FSTL5: variants seen among roughly 807,000 people sequenced by gnomAD.
FSTL5 encodes the protein follistatin-related protein 5.
FSTL5 carries 62 observed loss-of-function variants against 89.1 expected under a neutral mutation model. The ratio of observed to expected loss-of-function variants is 0.70; its 90% CI spans 0.57 to 0.86. The LOEUF (loss-of-function observed/expected upper bound fraction) is 0.86. Among genes scored for constraint, FSTL5 ranks in the 40% least tolerant of loss-of-function variants. FSTL5 has a pLI of 0.00. For synonymous variants in FSTL5, 383 were observed against 346.2 expected (o/e 1.11, Z -1.18); for missense variants, 1,057 against 1,001.6 (o/e 1.06, Z -0.75).
intron 7 of FSTL5, among the ~76,000 whole-genome samples, chr4:161,592,739 A>G (rs1487633020): frequency 6.6e-6 from 1 of 152,150 alleles, no homozygotes; most frequent in Non-Finnish European, 1.5e-5. Context: ...AACATACGTG[A>G]GCAAGTGTCT....
rs569217887 is a variant in FSTL5 at position 161,483,362 on chromosome 4, A to G, written c.1459-2193T>C. Among the ~76,000 whole-genome samples, 3 of 152,364 alleles carry G rather than the reference A, an allele frequency of 2.0e-5. No individual in the cohort carries two copies. The East Asian group carries it at 5.8e-4, about 29-fold the overall frequency. ...TCTTCGCCATTGCGTAAAACCTGCCAAAGTAATGAAAAGTGTGAGTGACCT... is the reference window on the plus strand; with the variant it reads ...TCTTCGCCATTGCGTAAAACCTGCCGAAGTAATGAAAAGTGTGAGTGACCT... On this transcript the variant is annotated intron_variant, in intron 12 of 15. Coordinates refer to ENST00000306100, the MANE Select transcript of FSTL5 (RefSeq NM_020116.5).
At chr4:161,752,226 C>CAGATAGATAGATAGAT (rs74281503) in intron 6 of FSTL5, among the ~76,000 whole-genome samples, 73 of 139,068 alleles carry the variant, frequency 5.2e-4, no homozygotes, top group East Asian at 8.4e-4. Flanking sequence ...GATAGATGGA[C>CAGATAGATAGATAGAT]AGATAGATAG....
intron 12 of FSTL5, among the ~76,000 whole-genome samples, chr4:161,490,691 T>A (rs999242857): frequency 6.6e-6 from 1 of 152,110 alleles, no homozygotes; most frequent in African/African-American, 2.4e-5. Flanking sequence ...TACTCTGAAA[T>A]GCAATCAATT....
At chr4:161,726,640 T>C (rs1739429034) in intron 6 of FSTL5, among the ~76,000 whole-genome samples, 1 of 152,126 alleles carries the variant, frequency 6.6e-6, no homozygotes. Flanking sequence ...TGTATTTGCA[T>C]CACATAGGAC....
chr4:161,902,056 T>C (rs7664288), intron 4 of FSTL5, among the ~76,000 whole-genome samples: 149,287 of 152,272 alleles, frequency 0.98, 73,216 homozygotes, highest in Non-Finnish European at 1. Flanking sequence ...ACCTAGATAT[T>C]ATTTGTTACA....
chr4:162,141,624 T>G (rs72986973), intron 1 of FSTL5, among the ~76,000 whole-genome samples: 14,480 of 152,128 alleles, frequency 0.095, 871 homozygotes, highest in African/African-American at 0.16. Context: ...GCAAATGAAC[T>G]AAGACAAGTA....
chr4:161,506,497 G>A (rs1317133960), intron 11 of FSTL5, among the ~76,000 whole-genome samples: 3 of 152,130 alleles, frequency 2.0e-5, no homozygotes, highest in South Asian at 2.1e-4. Flanking sequence ...CTTTAGTGGC[G>A]ATTTGTAAGA....
intron 1 of FSTL5, among the ~76,000 whole-genome samples, chr4:162,116,117 T>C (rs1215182646): frequency 6.6e-6 from 1 of 152,122 alleles, no homozygotes; most frequent in African/African-American, 2.4e-5. Flanking sequence ...CCATTTCAGG[T>C]TCTTGACTTA....
chr4:162,058,826 T>C (rs368456564), intron 2 of FSTL5, among the ~76,000 whole-genome samples: 3 of 152,254 alleles, frequency 2.0e-5, no homozygotes, highest in South Asian at 4.1e-4. Flanking sequence ...GTACTTGCTC[T>C]GAATCAAAGT....
chr4:161,803,432 T>C (rs1729860659), intron 4 of FSTL5, among the ~76,000 whole-genome samples: 1 of 152,014 alleles, frequency 6.6e-6, no homozygotes, highest in Admixed American at 6.6e-5. Flanking sequence ...ATACTCATAG[T>C]GATAAGTATC....
At chr4:161,483,456 C>G (rs1729586684) in intron 12 of FSTL5, among the ~76,000 whole-genome samples, 1 of 152,188 alleles carries the variant, frequency 6.6e-6, no homozygotes, top group Non-Finnish European at 1.5e-5. Context: ...TGCTACAGAA[C>G]TATTCAACAG....
In FSTL5 at chr4:161,386,262, C is replaced by A. The variant is rs1407379782; in HGVS notation, c.2029G>T (p.Val677Phe). 2 of 1,613,968 alleles carry A rather than the reference C, an allele frequency of 1.2e-6. No individual in the cohort carries two copies. The highest frequency in any genetic ancestry group is 1.7e-6 in the Non-Finnish European group (2 of 1,179,964). ...GAGTCAGTTACACCGTCCACCATGA[C>A]CTGTGGGGAAACTGCTCCGGTGCTG... ...PDSTGAVSPQ[V>F]MVDGVTDSVI... The change falls in exon 16 of 16, where the codon GTC (valine) becomes TTC (phenylalanine). Residue 677 changes from valine (V) to phenylalanine (F), a missense_variant. Transcript: ENST00000306100.
intron 4 of FSTL5, among the ~76,000 whole-genome samples, chr4:161,816,501 T>TA (rs1730330628): frequency 6.6e-6 from 1 of 152,188 alleles, no homozygotes; most frequent in Admixed American, 6.5e-5. Context: ...GAGACTTCTT[T>TA]AAAACTTATT....
chr4:161,802,393 T>C (rs1475311862), intron 4 of FSTL5, among the ~76,000 whole-genome samples: 1 of 151,702 alleles, frequency 6.6e-6, no homozygotes. Context: ...CCCTTATAAT[T>C]ATCCAATCCA....
At chr4:161,629,157 A>G (rs17343657) in intron 7 of FSTL5, among the ~76,000 whole-genome samples, 31,479 of 152,014 alleles carry the variant, frequency 0.21, 3,606 homozygotes, top group Non-Finnish European at 0.24. Context: ...GCTGTCCAAC[A>G]TAAGTCTCAC....
At chr4:162,058,518 C>A (rs1380561390) in intron 2 of FSTL5, among the ~76,000 whole-genome samples, 1 of 63,292 alleles carries the variant, frequency 1.6e-5, no homozygotes, top group Non-Finnish European at 3.3e-5. Context: ...CCTCCGCCTC[C>A]CAGGTTCAAG....
chr4:161,861,509 T>A (rs1260006228), intron 4 of FSTL5, among the ~76,000 whole-genome samples: 3 of 152,134 alleles, frequency 2.0e-5, no homozygotes, highest in Non-Finnish European at 4.4e-5. Flanking sequence ...AAGGAAGGCC[T>A]AAATGCTAAT....
intron 3 of FSTL5, among the ~76,000 whole-genome samples, chr4:161,942,148 C>T (rs1475478295): frequency 2.0e-5 from 3 of 151,670 alleles, no homozygotes; most frequent in Non-Finnish European, 4.4e-5. Context: ...AGACTAAGAA[C>T]TCATAGCTGT....
In FSTL5 at chr4:161,413,152, A is replaced by T. The variant is rs1578954097; in HGVS notation, c.1842-26703T>A. Among the ~76,000 whole-genome samples the T allele has an allele frequency of 2.0e-5, 3 of 151,978 alleles. 1 individual carries two copies. The Middle Eastern group carries it at 0.01, about 517-fold the overall frequency. Reference sequence around the variant, plus strand: ...CTACAGAATGGGAGAAGATAACTCAACCTATGCATCTGACAAAGGCTTAAT... The same window carrying T: ...CTACAGAATGGGAGAAGATAACTCATCCTATGCATCTGACAAAGGCTTAAT... On this transcript the variant is annotated intron_variant, in intron 15 of 15. Transcript: ENST00000306100.
Sources: gnomAD v4.1 joint callset for allele counts (sites outside exome capture counted in the v4.1 genomes callset) on GRCh38, gnomAD v4.1.1 for gene constraint, MANE v1.5 for transcripts, NCBI Gene and HGNC (gene_info 2026-07-23, HGNC 2026-07-21) for gene names.